NLRP8: variants seen among roughly 807,000 people sequenced by gnomAD.
NLRP8 encodes the protein NLR family pyrin domain containing 8.
Under a neutral mutation model 88.7 loss-of-function variants are expected in NLRP8, and 86 were observed. The observed-to-expected ratio is 0.97, with a 90% CI of 0.81 to 1.16. The LOEUF (loss-of-function observed/expected upper bound fraction) is 1.16. NLRP8 is among the 50% of genes most tolerant of loss of function. NLRP8 has a pLI of 0.00. For missense variants in NLRP8, 1,342 were observed against 1,286.5 expected (o/e 1.04, Z -0.66); for synonymous variants, 504 against 494.6 (o/e 1.02, Z -0.25).
Position 55,954,664 on chromosome 19 carries a change from G to GCCC in NLRP8, c.607_609dup (p.Pro203dup). 1 of 1,614,190 alleles carries GCCC rather than the reference G, an allele frequency of 6.2e-7. No individual in the cohort carries two copies. Among genetic ancestry groups the GCCC allele is most frequent in the Non-Finnish European group, 8.5e-7 (1 of 1,180,036 alleles). ...TGCCCAAAAGACCCCAGGGTAGACA[G>GCCC]CCCAAGACCGTGGCCATACAGGGAG... is the stretch of plus-strand genomic sequence containing the variant. On this transcript the variant is annotated inframe_insertion, in exon 3 of 10. Transcript: ENST00000291971.
At chr19:55,980,752 G>T (rs1980538124) in intron 9 of NLRP8, among the ~76,000 whole-genome samples, 1 of 152,168 alleles carries the variant, frequency 6.6e-6, no homozygotes, top group Admixed American at 6.6e-5. Context: ...TCTTGAAAGT[G>T]GCGTCCCATC....
intron 7 of NLRP8, among the ~76,000 whole-genome samples, chr19:55,975,543 C>T (rs1237099112): frequency 6.6e-6 from 1 of 152,162 alleles, no homozygotes; most frequent in Non-Finnish European, 1.5e-5. Context: ...TGTGTCTGTG[C>T]CCTGATGACG....
rs10412088 is a variant in NLRP8 at position 55,953,360 on chromosome 19, A to G, written c.442+748A>G. Among the ~76,000 whole-genome samples, 353 of 152,294 alleles carry G rather than the reference A, an allele frequency of 2.3e-3. 3 individuals are homozygous for G. Among genetic ancestry groups the G allele is most frequent in the African/African-American group, 8.2e-3 (340 of 41,570 alleles). ...TTACATATTATAATGTAATAATAAT[A>G]GAAATAAAGTACACAATAAACGTAA... On this transcript the variant is annotated intron_variant, in intron 2 of 9. Transcript: ENST00000291971.
intron 4 of NLRP8, 37 bp from the exon 5 acceptor site, chr19:55,966,176 G>A (rs753212045): frequency 1.4e-5 from 22 of 1,601,138 alleles, no homozygotes; most frequent in African/African-American, 5.4e-5. Context: ...GACTGTGGAC[G>A]GGACCCTATT....
intron 9 of NLRP8, among the ~76,000 whole-genome samples, chr19:55,984,603 G>A (rs306467): frequency 0.38 from 55,098 of 146,904 alleles, 11,116 homozygotes; most frequent in South Asian, 0.44. Context: ...GTGTTGAGCC[G>A]AGATCGCGCC....
chr19:55,957,488 C>A (rs1205332700), intron 3 of NLRP8, among the ~76,000 whole-genome samples: 1 of 151,462 alleles, frequency 6.6e-6, no homozygotes, highest in Non-Finnish European at 1.5e-5. Flanking sequence ...GAGTTCGAGA[C>A]CATGCTGGCC....
intron 4 of NLRP8, among the ~76,000 whole-genome samples, chr19:55,963,601 G>T (rs1285257465): frequency 6.6e-6 from 1 of 151,954 alleles, no homozygotes; most frequent in African/African-American, 2.4e-5. Flanking sequence ...CCAGGCTGGA[G>T]TACAGTGGCA....
chr19:55,958,956 G>A (rs1374950490), intron 3 of NLRP8, among the ~76,000 whole-genome samples: 1 of 152,102 alleles, frequency 6.6e-6, no homozygotes, highest in Non-Finnish European at 1.5e-5. Context: ...TCGGATCACT[G>A]CAACCTCCAC....
intron 1 of NLRP8, among the ~76,000 whole-genome samples, chr19:55,949,594 A>T (rs1051773016): frequency 1.3e-5 from 2 of 152,184 alleles, no homozygotes; most frequent in Admixed American, 1.3e-4. Context: ...CCACAGTTTC[A>T]GATATCCACC....
intron 7 of NLRP8, among the ~76,000 whole-genome samples, chr19:55,974,337 G>A (rs567675332): frequency 4.6e-5 from 7 of 152,180 alleles, no homozygotes; most frequent in African/African-American, 1.7e-4. Context: ...GTGACTCTTG[G>A]TTGTGCTTAT....
In NLRP8 at chr19:55,954,580, G is replaced by A; in HGVS notation, c.522G>A (p.Gln174=). The change falls in exon 3 of 10, where the codon CAG becomes CAA. Residue 174 remains glutamine (Q), a synonymous_variant. Transcript: ENST00000291971. The stretch of plus-strand genomic sequence containing the variant: ...ACATTACGACTTGGCCTGGAAACCA[G>A]AGGGACTTCTTCTACCAAGGTGTAC... 6.2e-7 allele frequency: 1 copy of A among 1,614,202 alleles called. No individual in the cohort carries two copies. Among genetic ancestry groups the A allele is most frequent in the Non-Finnish European group, 8.5e-7 (1 of 1,180,036 alleles).
chr19:55,986,669 G>A (rs12462267), intron 9 of NLRP8, among the ~76,000 whole-genome samples: 56,333 of 152,078 alleles, frequency 0.37, 10,648 homozygotes, highest in Admixed American at 0.39. Flanking sequence ...GTTCAGAGCC[G>A]GTTGCAGCCA....
intron 5 of NLRP8, among the ~76,000 whole-genome samples, chr19:55,969,103 T>C (rs2123210711): frequency 6.6e-6 from 1 of 152,338 alleles, no homozygotes; most frequent in South Asian, 2.1e-4. Flanking sequence ...TGTACTTTTT[T>C]GGTTTGTTTG....
At chr19:55,953,729 A>C (rs1031374925) in intron 2 of NLRP8, among the ~76,000 whole-genome samples, 1 of 142,082 alleles carries the variant, frequency 7.0e-6, no homozygotes, top group Non-Finnish European at 1.5e-5. Flanking sequence ...CAAACTCCTA[A>C]CCTCGTGCCC....
chr19:55,956,444 A>G (rs760573884), intron 3 of NLRP8, among the ~76,000 whole-genome samples: 6 of 152,052 alleles, frequency 3.9e-5, no homozygotes, highest in African/African-American at 7.2e-5. Context: ...GGGTTTCACC[A>G]TGTTGGCCAG....
At chr19:55,981,281 C>T (rs965946865) in intron 9 of NLRP8, among the ~76,000 whole-genome samples, 123 bp downstream of exon 10, 6 of 151,740 alleles carry the variant, frequency 4.0e-5, no homozygotes, top group East Asian at 3.9e-4. Context: ...TTTTGTGGGC[C>T]GTCCTGACTC....
rs367693978 is a variant in NLRP8, at chr19:55,976,318, G to A, written c.2876+15G>A. On this transcript the variant is annotated intron_variant, in intron 8 of 9. Transcript: ENST00000291971. ...CAGATCCTGGAGTAAGTGGCCCCTC[G>A]TCTCCTCCTGTGAGACCAGGAGAAT... 20 of 1,581,824 alleles carry A rather than the reference G, an allele frequency of 1.3e-5. No homozygotes were observed. In the Admixed American group the frequency reaches 2.1e-4, roughly 17 times the overall value.
intron 3 of NLRP8, among the ~76,000 whole-genome samples, chr19:55,958,014 C>T (rs1277069870): frequency 6.6e-6 from 1 of 152,132 alleles, no homozygotes; most frequent in African/African-American, 2.4e-5. Flanking sequence ...AATTATTTCT[C>T]CCTTCAACTC....
Position 55,955,475 on chromosome 19 carries a change from G to A in NLRP8, c.1417G>A (p.Asp473Asn). 6.2e-7 allele frequency: 1 copy of A among 1,614,252 alleles called. No individual in the cohort carries two copies. Among genetic ancestry groups the A allele is most frequent in the Non-Finnish European group, 8.5e-7 (1 of 1,180,040 alleles). ...CAGGAAATGGGTGTTAGGTAAAGAA[G>A]ATCTTGAGGAAGCCAAGCTGGATCA... The change falls in exon 3 of 10, where the codon GAT (aspartate) becomes AAT (asparagine). Residue 473 changes from aspartate to asparagine, a missense_variant. By Grantham distance (23) the Asp-to-Asn change is conservative (BLOSUM62 1). Coordinates refer to ENST00000291971, the MANE Select transcript of NLRP8 (RefSeq NM_176811.2).
Sources: gnomAD v4.1 joint callset for allele counts (sites outside exome capture counted in the v4.1 genomes callset) on GRCh38, gnomAD v4.1.1 for gene constraint, MANE v1.5 for transcripts, NCBI Gene and HGNC (gene_info 2026-07-23, HGNC 2026-07-21) for gene names.